Variants in SLC5A4 observed in about 807,000 individuals in gnomAD.
SLC5A4 encodes the protein solute carrier family 5 member 4, also known as probable glucose sensor protein SLC5A4.
In SLC5A4, 55 loss-of-function variants were observed where a neutral mutation model predicts 70.3. The ratio of observed to expected loss-of-function variants is 0.78; its 90% CI spans 0.63 to 0.98. The LOEUF (loss-of-function observed/expected upper bound fraction) is 0.98, where lower values mean the gene tolerates loss of function less well. Among genes scored for constraint, SLC5A4 ranks in the 50% least tolerant of loss-of-function variants. SLC5A4 has a pLI of 0.00. For synonymous variants in SLC5A4, 268 were observed against 305.7 expected, an observed-to-expected ratio of 0.88 and a Z score of 1.29; for missense variants, 735 against 839.2, an observed-to-expected ratio of 0.88 and a Z score of 1.53.
chr22:32,245,191 C>T (rs757269206), intron 5 of SLC5A4, among the ~76,000 whole-genome samples: 1 of 152,174 alleles, frequency 6.6e-6, no homozygotes, highest in Non-Finnish European at 1.5e-5. Flanking sequence ...TAATAAGTAA[C>T]TAGGAGACAA....
chr22:32,337,525 CT>C, the SLC5A4 span, among the ~76,000 whole-genome samples: 22 of 151,478 alleles, frequency 1.5e-4, no homozygotes, highest in African/African-American at 5.3e-4. Flanking sequence ...CAGAACAAGA[CT>C]GTCTCCAAAA....
At chr22:32,242,492 G>A (rs1328141198) in intron 5 of SLC5A4, among the ~76,000 whole-genome samples, 9 of 152,236 alleles carry the variant, frequency 5.9e-5, no homozygotes, top group African/African-American at 2.2e-4. Flanking sequence ...GGCAGATCAC[G>A]AGATCAGGAG....
At chr22:32,220,040 C>G (rs1394182680) in intron 14 of SLC5A4, among the ~76,000 whole-genome samples, 1 of 151,660 alleles carries the variant, frequency 6.6e-6, no homozygotes, top group African/African-American at 2.4e-5. Flanking sequence ...GCAACACACA[C>G]ACACACACAC....
At chr22:32,288,005 A>ATTTC in the SLC5A4 span, among the ~76,000 whole-genome samples, 1 of 146,270 alleles carries the variant, frequency 6.8e-6, no homozygotes, top group Non-Finnish European at 1.5e-5. Context: ...AAGACCCTCA[A>ATTTC]TTTCTTTCTT....
the SLC5A4 span, among the ~76,000 whole-genome samples, chr22:32,339,140 G>A: frequency 6.6e-6 from 1 of 152,212 alleles, no homozygotes; most frequent in East Asian, 1.9e-4. Flanking sequence ...CACATCATTA[G>A]AGACGCGCAA....
chr22:32,309,567 C>G, the SLC5A4 span, among the ~76,000 whole-genome samples: 1 of 152,132 alleles, frequency 6.6e-6, no homozygotes, highest in East Asian at 1.9e-4. Flanking sequence ...CCAGCCATAA[C>G]CACAGCAGGA....
chr22:32,333,108 C>A, the SLC5A4 span, among the ~76,000 whole-genome samples: 6 of 152,134 alleles, frequency 3.9e-5, no homozygotes, highest in South Asian at 2.1e-4. Flanking sequence ...GGGACGTGGC[C>A]TGCCCGAGGT....
chr22:32,323,622 C>T, the SLC5A4 span, among the ~76,000 whole-genome samples: 2 of 152,178 alleles, frequency 1.3e-5, no homozygotes, highest in African/African-American at 4.8e-5. Flanking sequence ...AGAGGGAGCC[C>T]AGGGGCTGAG....
chr22:32,336,636 A>G, the SLC5A4 span, among the ~76,000 whole-genome samples: 6 of 152,256 alleles, frequency 3.9e-5, no homozygotes, highest in Admixed American at 3.9e-4. Flanking sequence ...CCCTGGGCCC[A>G]GAGACACAAA....
At chr22:32,237,673 A>G (rs892993994) in intron 6 of SLC5A4, among the ~76,000 whole-genome samples, 5 of 152,184 alleles carry the variant, frequency 3.3e-5, no homozygotes, top group African/African-American at 1.2e-4. Flanking sequence ...ACCTGCTCTA[A>G]AATATCTAGT....
the SLC5A4 span, among the ~76,000 whole-genome samples, chr22:32,281,750 T>C: frequency 0.36 from 54,626 of 151,532 alleles, 9,912 homozygotes; most frequent in East Asian, 0.43. Flanking sequence ...CTCAGCCTCC[T>C]GAAGTTCTAG....
chr22:32,322,076 C>A, the SLC5A4 span, among the ~76,000 whole-genome samples: 2 of 152,128 alleles, frequency 1.3e-5, no homozygotes, highest in Admixed American at 6.5e-5. Flanking sequence ...GTAAGGGACC[C>A]ATCACAGCCA....
At chr22:32,293,678 C>G in the SLC5A4 span, among the ~76,000 whole-genome samples, 1 of 151,990 alleles carries the variant, frequency 6.6e-6, no homozygotes, top group African/African-American at 2.4e-5. Flanking sequence ...TAGATTTGCC[C>G]CAGATATAAC....
At chr22:32,328,097 A>ACACACACACACACACACAC in the SLC5A4 span, among the ~76,000 whole-genome samples, 1 of 108,734 alleles carries the variant, frequency 9.2e-6, no homozygotes, top group Non-Finnish European at 2.2e-5. Flanking sequence ...CCAACACACA[A>ACACACACACACACACACAC]ACACACACAC....
the SLC5A4 span, among the ~76,000 whole-genome samples, chr22:32,278,639 T>TA: frequency 6.6e-6 from 1 of 152,180 alleles, no homozygotes; most frequent in Non-Finnish European, 1.5e-5. Flanking sequence ...TGTAAGATTT[T>TA]AAAAAATACT....
chr22:32,300,498 A>G, the SLC5A4 span, among the ~76,000 whole-genome samples: 1 of 151,984 alleles, frequency 6.6e-6, no homozygotes, highest in African/African-American at 2.4e-5. Flanking sequence ...AAGTGAGGCA[A>G]TGCCTCGCCC....
chr22:32,238,073 AG>A (rs1406757932), intron 6 of SLC5A4, among the ~76,000 whole-genome samples: 1 of 152,186 alleles, frequency 6.6e-6, no homozygotes, highest in African/African-American at 2.4e-5. Context: ...TGCCGGTAAC[AG>A]GAACTGTTGG....
chr22:32,291,874 CTAT>C, the SLC5A4 span, among the ~76,000 whole-genome samples: 12 of 64,926 alleles, frequency 1.8e-4, no homozygotes, highest in African/African-American at 6.8e-4. Context: ...TTTTTCTTTT[CTAT>C]CTTTTTTTTT....
intron 7 of SLC5A4, among the ~76,000 whole-genome samples, chr22:32,237,014 A>G (rs1260558714): frequency 1.3e-5 from 2 of 152,064 alleles, no homozygotes; most frequent in East Asian, 3.9e-4. Context: ...TCTAAGCAGT[A>G]ATTTTTAAAA....
Sources: gnomAD v4.1 joint callset for allele counts (sites outside exome capture counted in the v4.1 genomes callset) on GRCh38, gnomAD v4.1.1 for gene constraint, MANE v1.5 for transcripts, NCBI Gene and HGNC (gene_info 2026-07-23, HGNC 2026-07-21) for gene names.